Variants in DGCR8 observed in about 807,000 individuals in gnomAD.
DGCR8 encodes the protein DGCR8 microprocessor complex subunit, also known as microprocessor complex subunit DGCR8.
Under a neutral mutation model 78.5 loss-of-function variants are expected in DGCR8, and 14 were observed. The ratio of observed to expected loss-of-function variants is 0.18; its 90% confidence interval spans 0.12 to 0.28. The LOEUF is 0.28. Ranked by LOEUF, DGCR8 falls within the 10% of genes least tolerant of loss-of-function variation. The pLI is 1.00. For synonymous variants in DGCR8, 399 were observed against 402.4 expected (o/e 0.99, Z 0.10); for missense variants, 702 against 1,022.5 (o/e 0.69, Z 4.28).
chr22:20,083,990 A>G (rs1172341966), intron 1 of DGCR8, among the ~76,000 whole-genome samples: 1 of 152,192 alleles, frequency 6.6e-6, no homozygotes, highest in Non-Finnish European at 1.5e-5. Context: ...TGAAATTCCC[A>G]TTAGATTCAG....
chr22:20,107,240 C>T (rs751035951), intron 11 of DGCR8, 31 bp from the exon 12 acceptor site: 1 of 1,613,796 alleles, frequency 6.2e-7, no homozygotes, highest in Non-Finnish European at 8.5e-7. Context: ...GTTTGTGACC[C>T]CCTCTCCATG....
Position 20,101,849 on chromosome 22 carries a change from C to T in DGCR8, c.1789-4328C>T, listed in dbSNP as rs572885645. 4.2e-5 allele frequency: 41 copies of T among 985,370 alleles called. No individual in the cohort carries two copies. In the East Asian group the frequency reaches 4.4e-3, roughly 107 times the overall value. 61.0% of individuals were successfully genotyped at this position (985,370 alleles called of 1,614,324 possible). On this transcript the variant is annotated intron_variant, in intron 9 of 13. Coordinates refer to ENST00000351989, the MANE Select transcript of DGCR8 (RefSeq NM_022720.7). ...GACAGCCTGGGGCGTGGGGTAGTAT[C>T]CCCTCCTTGTGTGGACTCCGGAGGT...
intron 3 of DGCR8, among the ~76,000 whole-genome samples, chr22:20,088,990 G>A (rs2049521983): frequency 6.6e-6 from 1 of 152,110 alleles, no homozygotes; most frequent in Non-Finnish European, 1.5e-5. Flanking sequence ...TTGCTGTGTT[G>A]CCTAGGCTGG....
intron 1 of DGCR8, among the ~76,000 whole-genome samples, chr22:20,083,067 C>T (rs1473777814): frequency 6.6e-6 from 1 of 152,152 alleles, no homozygotes; most frequent in Non-Finnish European, 1.5e-5. Context: ...CATTCCTGAC[C>T]CCAGCCCTCT....
In DGCR8 at chr22:20,111,574, G is replaced by C. The variant is rs554096162; in HGVS notation, c.*1466G>C. 7.6e-6 allele frequency: 3 copies of C among 397,090 alleles called. No homozygotes were observed. The highest frequency in any genetic ancestry group is 1.3e-5 in the Non-Finnish European group (3 of 225,722). The allele number at this position is 397,090 out of a possible 1,614,324, so 24.6% of individuals were successfully genotyped here. A position where few individuals can be genotyped will look rare whatever the true frequency, so the allele number is the denominator to read the frequency against. On this transcript the variant is annotated 3_prime_UTR_variant, in exon 14 of 14. Transcript: ENST00000351989. ...CATTTGACTGTGACTGTTGCCCTTA[G>C]CCAGCCAGATGCGCCTGTGAACCAA...
In DGCR8 at chr22:20,110,388, C is replaced by A; in HGVS notation, c.*280C>A. 4.6e-6 allele frequency: 2 copies of A among 431,052 alleles called. No homozygotes were observed. Among genetic ancestry groups the A allele is most frequent in the Non-Finnish European group, 8.3e-6 (2 of 241,300 alleles). 26.7% of individuals were successfully genotyped at this position (431,052 alleles called of 1,614,324 possible). A position where few individuals can be genotyped will look rare whatever the true frequency, so the allele number is the denominator to read the frequency against. Reference sequence around the variant, plus strand: ...GCTGGTGACTGTGGACAGTGGTGGACCCTGCTTCTGTGCACCTGCTGCAGG... The same window carrying A: ...GCTGGTGACTGTGGACAGTGGTGGAACCTGCTTCTGTGCACCTGCTGCAGG... On this transcript the variant is annotated 3_prime_UTR_variant, in exon 14 of 14. Coordinates refer to ENST00000351989, the MANE Select transcript of DGCR8 (RefSeq NM_022720.7).
At chr22:20,107,495 C>T (rs1371568990) in intron 12 of DGCR8, 97 bp downstream of exon 12, 11 of 1,486,998 alleles carry the variant, frequency 7.4e-6, no homozygotes, top group Non-Finnish European at 1.0e-5. Flanking sequence ...CTGGGCAGCT[C>T]TGCTGTTGCT....
intron 1 of DGCR8, among the ~76,000 whole-genome samples, chr22:20,081,475 G>A (rs2049417525): frequency 6.6e-6 from 1 of 152,238 alleles, no homozygotes; most frequent in African/African-American, 2.4e-5. Context: ...AGGCCTACGG[G>A]CAGAGAGCTC....
At chr22:20,103,714 A>G (rs1434185649) in intron 9 of DGCR8, among the ~76,000 whole-genome samples, 1 of 152,208 alleles carries the variant, frequency 6.6e-6, no homozygotes, top group African/African-American at 2.4e-5. Flanking sequence ...GGCAGGACAG[A>G]TATAGGATTG....
rs2049502767 is a variant in DGCR8 at position 20,087,686 on chromosome 22, T to G, written c.880+365T>G. On this transcript the variant is annotated intron_variant, in intron 3 of 13. Transcript: ENST00000351989. The surrounding 1 kb of genome is among the most constrained non-coding windows in gnomAD (Gnocchi z 4.1). ...GGTGGGTACACAGTGAGATGGCAGG[T>G]GATAGTTGTGATCCAGGTTCTAGTC... 6.6e-6 allele frequency among the ~76,000 whole-genome samples: 1 copy of G among 151,804 alleles called. No individual in the cohort carries two copies. The highest frequency in any genetic ancestry group is 1.5e-5 in the Non-Finnish European group (1 of 67,950).
At chr22:20,107,062 C>G (rs2049779437) in intron 11 of DGCR8, 1 of 609,336 alleles carries the variant, frequency 1.6e-6, no homozygotes, top group Admixed American at 2.8e-5. Flanking sequence ...GTCCTCAGCT[C>G]CTAGACTCTG....
Position 20,111,706 on chromosome 22 carries a change from G to GGGGGGCCC in DGCR8, c.*1598_*1599insGGGGGCCC. 1 of 63,040 alleles carries GGGGGGCCC rather than the reference G, an allele frequency of 1.6e-5. No homozygotes were observed. Among genetic ancestry groups the GGGGGGCCC allele is most frequent in the East Asian group, 2.0e-4 (1 of 4,964 alleles). 3.9% of individuals were successfully genotyped at this position (63,040 alleles called of 1,614,324 possible). A position where few individuals can be genotyped will look rare whatever the true frequency, so the allele number is the denominator to read the frequency against. ...TGCCATACTCTTGTGGTCTCTGTGCGCCCCCCCCCCCCCCCCACCCGTCTG... is the reference window on the plus strand; with the variant it reads ...TGCCATACTCTTGTGGTCTCTGTGCGGGGGGCCCCCCCCCCCCCCCCCCCACCCGTCTG... On this transcript the variant is annotated 3_prime_UTR_variant, in exon 14 of 14. Transcript: ENST00000351989.
In DGCR8 at chr22:20,111,224, T is replaced by C. The variant is rs2049838481; in HGVS notation, c.*1116T>C. 1.5e-5 allele frequency: 6 copies of C among 398,698 alleles called. No individual in the cohort carries two copies. The highest frequency in any genetic ancestry group is 2.2e-5 in the Non-Finnish European group (5 of 226,068). 24.7% of individuals were successfully genotyped at this position (398,698 alleles called of 1,614,324 possible). A position where few individuals can be genotyped will look rare whatever the true frequency, so the allele number is the denominator to read the frequency against. On this transcript the variant is annotated 3_prime_UTR_variant, in exon 14 of 14. Coordinates refer to ENST00000351989, the MANE Select transcript of DGCR8 (RefSeq NM_022720.7). ...CCTGCCGGAGTCTGAGGCACCAGGG[T>C]GTGCTCAAAGGCTGGCCCTGGTGGT...
chr22:20,105,344 A>G (rs1368167879), intron 9 of DGCR8, among the ~76,000 whole-genome samples: 1 of 152,158 alleles, frequency 6.6e-6, no homozygotes, highest in Non-Finnish European at 1.5e-5. Context: ...CAGAATGGTG[A>G]GAGAATAAAC....
Position 20,106,604 on chromosome 22 carries a change from G to A in DGCR8, c.1902G>A (p.Met634Ile). The A allele has an allele frequency of 6.2e-7, 1 of 1,613,034 alleles. No homozygotes were observed. The highest frequency in any genetic ancestry group is 1.7e-5 in the Admixed American group (1 of 60,030). ...LHECLKRNHG[M>I]GDTSIKFEVV... The stretch of plus-strand genomic sequence containing the variant: ...TTTTCTCTTAAAGAAACCATGGGAT[G>A]GGTGACACGTCTATCAAGTTTGAAG... Residue 634 changes from methionine (M) to isoleucine (I), a missense_variant, in exon 11 of 14, where the codon ATG (methionine) becomes ATA (isoleucine). Met to Ile is a conservative substitution (Grantham distance 10). Transcript: ENST00000351989.
chr22:20,106,870 C>T (rs1247670806), intron 11 of DGCR8, 172 bp downstream of exon 11: 3 of 610,778 alleles, frequency 4.9e-6, no homozygotes, highest in Non-Finnish European at 8.8e-6. Context: ...GTCCTGCCTG[C>T]ACTTTCCCTG....
chr22:20,090,717 G>A (rs933645218), intron 5 of DGCR8, among the ~76,000 whole-genome samples: 4 of 152,222 alleles, frequency 2.6e-5, no homozygotes, highest in Non-Finnish European at 1.5e-5. Context: ...TGCTGGATGT[G>A]TACTGGTGTT....
Position 20,090,243 on chromosome 22 carries a change from A to G in DGCR8, c.1291A>G (p.Lys431Glu), listed in dbSNP as rs147234686. Residue 431 changes from lysine (K) to glutamate (E), a missense_variant, in exon 5 of 14, where the codon AAA becomes GAA. This residue lies in a region of DGCR8 where 119 missense variants were observed against 126.1 expected (regional missense o/e 0.94). Coordinates refer to ENST00000351989, the MANE Select transcript of DGCR8 (RefSeq NM_022720.7). ...GQVKAKVEVC[K>E]DESVDLEEFR... ...GGTGAAGGCCAAAGTCGAGGTGTGC[A>G]AAGATGAATCCGTTGGTGAGTTTTT... 6 of 1,601,888 alleles carry G rather than the reference A, an allele frequency of 3.7e-6. No homozygotes were observed. Among genetic ancestry groups the G allele is most frequent in the Admixed American group, 3.6e-5 (2 of 56,110 alleles).
At position 20,086,726 on chromosome 22, in the gene DGCR8, C is replaced by A; in HGVS notation, c.720+43C>A. 1.5e-5 allele frequency: 23 copies of A among 1,486,548 alleles called. No individual in the cohort carries two copies. Among genetic ancestry groups the A allele is most frequent in the East Asian group, 7.1e-5 (3 of 42,538 alleles). The allele number at this position is 1,486,548 out of a possible 1,614,324, so 92.1% of individuals were successfully genotyped here. Reference sequence around the variant, plus strand: ...CCTCTAGAGGGCTCTTAGCAAAACCCAAAGAGAGATTTGGGAATTGCAGCA... The same window carrying A: ...CCTCTAGAGGGCTCTTAGCAAAACCAAAAGAGAGATTTGGGAATTGCAGCA... On this transcript the variant is annotated intron_variant, in intron 2 of 13. Coordinates refer to ENST00000351989, the MANE Select transcript of DGCR8 (RefSeq NM_022720.7). This position sits in a 1 kb window ranked among gnomAD's most constrained non-coding sequence, Gnocchi z 6.4.
Sources: allele counts gnomAD v4.1 joint callset (sites outside exome capture counted in the v4.1 genomes callset), GRCh38; gene constraint gnomAD v4.1.1; regional missense constraint gnomAD v4.1.1; non-coding constraint Gnocchi (gnomAD v3.1); transcripts MANE v1.5; gene names NCBI Gene and HGNC (gene_info 2026-07-23, HGNC 2026-07-21).